Variants in NCKAP5 observed in about 807,000 individuals in gnomAD.
NCKAP5 encodes nck-associated protein 5.
Under a neutral mutation model 167.0 loss-of-function variants are expected in NCKAP5, and 92 were observed. The observed-to-expected ratio is 0.55, with a 90% CI of 0.47 to 0.66. The LOEUF is 0.66. Ranked by LOEUF, NCKAP5 falls within the 30% of genes least tolerant of loss-of-function variation. The pLI, the probability that NCKAP5 is intolerant of heterozygous loss-of-function variation, is 0.00. For missense variants in NCKAP5, 2,378 were observed against 2,315.0 expected (o/e 1.03, Z -0.56); for synonymous variants, 891 against 877.4 (o/e 1.02, Z -0.27).
At chr2:133,650,242 T>C in the NCKAP5 span, among the ~76,000 whole-genome samples, 1 of 152,190 alleles carries the variant, frequency 6.6e-6, no homozygotes, top group Non-Finnish European at 1.5e-5. Context: ...AGATATCCTA[T>C]GTTTATGGAT....
chr2:133,624,339 T>C, the NCKAP5 span, among the ~76,000 whole-genome samples: 3 of 152,192 alleles, frequency 2.0e-5, no homozygotes, highest in Non-Finnish European at 2.9e-5. Context: ...CCAAGATCCA[T>C]TGAGCCACGG....
chr2:132,742,426 A>G (rs1030045661), intron 16 of NCKAP5, among the ~76,000 whole-genome samples: 9 of 152,008 alleles, frequency 5.9e-5, no homozygotes, highest in African/African-American at 2.2e-4. Flanking sequence ...ATTCAGATCT[A>G]TCAATTTAGC....
chr2:132,822,670 A>T (rs1055916825), intron 11 of NCKAP5, among the ~76,000 whole-genome samples: 4 of 152,172 alleles, frequency 2.6e-5, no homozygotes, highest in Admixed American at 2.0e-4. Context: ...AGCCCAAAAG[A>T]TCACACCAGC....
chr2:133,323,497 G>A (rs138146260), intron 3 of NCKAP5, among the ~76,000 whole-genome samples: 25 of 152,312 alleles, frequency 1.6e-4, no homozygotes, highest in Admixed American at 3.3e-4. Context: ...GGGAGGGATA[G>A]GCTGGGTTAA....
At chr2:133,239,400 T>C (rs1462517032) in intron 4 of NCKAP5, among the ~76,000 whole-genome samples, 1 of 152,162 alleles carries the variant, frequency 6.6e-6, no homozygotes, top group African/African-American at 2.4e-5. Flanking sequence ...ATGATATTCA[T>C]GTAGATTTTG....
chr2:133,257,908 G>A (rs544649730), intron 4 of NCKAP5, among the ~76,000 whole-genome samples: 35 of 152,216 alleles, frequency 2.3e-4, no homozygotes, highest in African/African-American at 6.7e-4. Flanking sequence ...GTGCACCTGG[G>A]CCACGCAAAG....
chr2:132,674,662 C>T (rs1310007863), intron 19 of NCKAP5, among the ~76,000 whole-genome samples: 5 of 152,152 alleles, frequency 3.3e-5, no homozygotes, highest in Admixed American at 6.5e-5. Flanking sequence ...CTTATGGATT[C>T]TCACATGCTA....
intron 11 of NCKAP5, among the ~76,000 whole-genome samples, chr2:132,839,757 C>CAAAAAAA (rs59000613): frequency 1.6e-5 from 1 of 63,080 alleles, no homozygotes; most frequent in Non-Finnish European, 3.0e-5. Context: ...GACCTTGTCT[C>CAAAAAAA]AAAAAAAAAA....
the NCKAP5 span, among the ~76,000 whole-genome samples, chr2:133,622,456 T>G: frequency 6.6e-6 from 1 of 152,066 alleles, no homozygotes; most frequent in Admixed American, 6.6e-5. Context: ...ACAAAATTAA[T>G]GCACATGATT....
intron 3 of NCKAP5, among the ~76,000 whole-genome samples, chr2:133,338,606 A>T (rs1342141917): frequency 6.6e-6 from 1 of 152,214 alleles, no homozygotes; most frequent in East Asian, 1.9e-4. Context: ...GAGGCCTGTT[A>T]TATGGTGTTA....
At chr2:133,600,683 C>T in the NCKAP5 span, among the ~76,000 whole-genome samples, 4 of 152,224 alleles carry the variant, frequency 2.6e-5, no homozygotes, top group African/African-American at 9.6e-5. Flanking sequence ...TAGGAAGCAG[C>T]GGAGAAAGTT....
At chr2:133,071,353 G>A (rs1309443589) in intron 6 of NCKAP5, among the ~76,000 whole-genome samples, 3 of 151,968 alleles carry the variant, frequency 2.0e-5, no homozygotes, top group Non-Finnish European at 4.4e-5. Flanking sequence ...GCTGAGGCAG[G>A]AGAATGGTGT....
rs77641232 is a variant in NCKAP5, at chr2:133,182,934, C to G, written c.207+30782G>C. Among the ~76,000 whole-genome samples the G allele has an allele frequency of 6.0e-3, 917 of 151,886 alleles. 5 individuals carry two copies. The highest frequency in any genetic ancestry group is 0.021 in the African/African-American group (859 of 41,242). ...AGGAAGAAAACAGGAGCTATCACTACAGACACAGCAGATATCAAAAGGATA... is the reference window on the plus strand; with the variant it reads ...AGGAAGAAAACAGGAGCTATCACTAGAGACACAGCAGATATCAAAAGGATA... On this transcript the variant is annotated intron_variant, in intron 5 of 19. Coordinates refer to ENST00000409261, the MANE Select transcript of NCKAP5 (RefSeq NM_207363.3).
intron 3 of NCKAP5, among the ~76,000 whole-genome samples, chr2:133,319,044 G>A (rs1431272672): frequency 2.0e-5 from 3 of 152,110 alleles, no homozygotes; most frequent in Admixed American, 6.5e-5. Flanking sequence ...ATGGTTTTAG[G>A]AGCCCTCCAG....
chr2:133,201,596 G>A (rs967480006), intron 5 of NCKAP5, among the ~76,000 whole-genome samples: 93 of 152,252 alleles, frequency 6.1e-4, no homozygotes, highest in African/African-American at 2.1e-3. Context: ...ATTTATTGTG[G>A]TGATAAAGAT....
chr2:133,477,555 T>C (rs894207976), intron 3 of NCKAP5, among the ~76,000 whole-genome samples: 4 of 152,198 alleles, frequency 2.6e-5, no homozygotes, highest in Non-Finnish European at 4.4e-5. Context: ...ATATACACTA[T>C]GTTTTTTCCT....
At chr2:133,521,098 A>G (rs1684434267) in intron 2 of NCKAP5, among the ~76,000 whole-genome samples, 1 of 152,218 alleles carries the variant, frequency 6.6e-6, no homozygotes, top group Non-Finnish European at 1.5e-5. Context: ...CTGATTAACA[A>G]TGAAAATATC....
chr2:133,149,667 C>T (rs761757460), intron 5 of NCKAP5, among the ~76,000 whole-genome samples: 2 of 152,156 alleles, frequency 1.3e-5, no homozygotes, highest in Non-Finnish European at 2.9e-5. Context: ...ATACATCACA[C>T]TGCTCTCACT....
chr2:133,477,760 T>C (rs1334051274), intron 3 of NCKAP5, among the ~76,000 whole-genome samples: 1 of 152,184 alleles, frequency 6.6e-6, no homozygotes, highest in Non-Finnish European at 1.5e-5. Context: ...TGTGATAACT[T>C]AGGCTACTAA....
Sources: allele counts gnomAD v4.1 joint callset (sites outside exome capture counted in the v4.1 genomes callset), GRCh38; gene constraint gnomAD v4.1.1; transcripts MANE v1.5; gene names NCBI Gene and HGNC (gene_info 2026-07-23, HGNC 2026-07-21).